The following TBC1D17 variants were observed in gnomAD, a reference collection of about 807,000 sequenced individuals.
TBC1D17 encodes TBC1 domain family, member 17.
A neutral mutation model predicts 78.8 loss-of-function variants in TBC1D17; 69 were observed. That is an observed-to-expected ratio of 0.88 (90% CI 0.72 to 1.07). The LOEUF is 1.07. Ranked by LOEUF, TBC1D17 falls within the 50% of genes least tolerant of loss-of-function variation. The pLI is 0.00. For synonymous variants in TBC1D17, 456 were observed against 358.3 expected, an observed-to-expected ratio of 1.27 and a Z score of -3.08; for missense variants, 957 against 861.0, an observed-to-expected ratio of 1.11 and a Z score of -1.39.
At chr19:49,877,840 G>C in intron 1 of TBC1D17, 96 bp downstream of exon 1, 1 of 1,425,470 alleles carries the variant, frequency 7.0e-7, no homozygotes, top group Non-Finnish European at 9.6e-7. Context: ...CGAGAATCCG[G>C]CACGGCCTTG....
intron 3 of TBC1D17, 41 bp downstream of exon 3, chr19:49,878,613 T>C (rs1410062620): frequency 1.9e-6 from 3 of 1,589,042 alleles, no homozygotes; most frequent in Admixed American, 1.7e-5. Flanking sequence ...TCGCTTTTTT[T>C]CTAGGTCCGT....
At chr19:49,887,437 C>T (rs372677238) in intron 13 of TBC1D17, 39 bp from the exon 14 acceptor site, 3 of 1,593,752 alleles carry the variant, frequency 1.9e-6, no homozygotes, top group Non-Finnish European at 2.6e-6. Flanking sequence ...TCAGTCCCAG[C>T]GCTGGGCAAG....
chr19:49,881,415 T>TCCA lies in TBC1D17; in HGVS notation c.470_472dup (p.His157dup). On this transcript the variant is annotated inframe_insertion, in exon 5 of 17. Coordinates refer to ENST00000221543, the MANE Select transcript of TBC1D17 (RefSeq NM_024682.3). ...GGAGGTTCCCTGCCCGCACTGCACTTCCACCGCGGGGGCACCCGCGCCCTG... is the reference window on the plus strand; with the variant it reads ...GGAGGTTCCCTGCCCGCACTGCACTTCCACCACCGCGGGGGCACCCGCGCCCTG... The TCCA allele has an allele frequency of 6.2e-7, 1 of 1,612,728 alleles. No homozygotes were observed. Among genetic ancestry groups the TCCA allele is most frequent in the Non-Finnish European group, 8.5e-7 (1 of 1,179,968 alleles).
Position 49,878,134 on chromosome 19 carries a change from C to G in TBC1D17, c.22-9C>G, listed in dbSNP as rs755508077. The G allele has an allele frequency of 3.1e-5, 48 of 1,570,400 alleles. No individual in the cohort carries two copies. In the Admixed American group the frequency reaches 5.4e-4, roughly 18 times the overall value. On this transcript the variant is annotated splice_polypyrimidine_tract_variant and intron_variant, in intron 1 of 16. Coordinates refer to ENST00000221543, the MANE Select transcript of TBC1D17 (RefSeq NM_024682.3). ...GGGCCCCAGCCCTCGCTGGTTCCCC[C>G]CAACTCAGGTGGTGTTTGAGAAGGG...
chr19:49,881,954 C>T (rs914546144), intron 5 of TBC1D17, 87 bp from the exon 6 acceptor site: 16 of 1,204,796 alleles, frequency 1.3e-5, no homozygotes, highest in African/African-American at 6.0e-5. Context: ...GACGCTGCAG[C>T]TGGAACCGAT....
At chr19:49,883,127 T>C in intron 9 of TBC1D17, 51 bp downstream of exon 9, 1 of 1,527,640 alleles carries the variant, frequency 6.5e-7, no homozygotes, top group Non-Finnish European at 8.9e-7. Flanking sequence ...TGGTACCTCC[T>C]AGGGCACCAA....
In TBC1D17 at chr19:49,882,170, G is replaced by C. The variant is rs756159014; in HGVS notation, c.639+18G>C. On this transcript the variant is annotated intron_variant, in intron 6 of 16. Coordinates refer to ENST00000221543, the MANE Select transcript of TBC1D17 (RefSeq NM_024682.3). ...TGGTGTCAGTGAGTGTCCCCAGCAG[G>C]AGGCCTGGCGGGTGTGGGCAGGGAG... The C allele has an allele frequency of 1.2e-5, 20 of 1,613,826 alleles. No homozygotes were observed. Among genetic ancestry groups the C allele is most frequent in the South Asian group, 7.7e-5 (7 of 91,088 alleles).
At chr19:49,883,100 C>G in intron 9 of TBC1D17, 24 bp downstream of exon 9, 2 of 1,583,346 alleles carry the variant, frequency 1.3e-6, no homozygotes, top group Non-Finnish European at 1.7e-6. Context: ...AGGCCCTGCC[C>G]TGCCAGGCAT....
In TBC1D17 at chr19:49,883,001, C is replaced by T. The variant is rs1227466327; in HGVS notation, c.956C>T (p.Ala319Val). ...GGLSPSLRRE[A>V]WKFLLGYLSW... is the part of the protein sequence containing the mutation. The stretch of plus-strand genomic sequence containing the variant: ...CTGAGCCCCAGCCTGCGGCGCGAGG[C>T]CTGGAAGTTCCTCCTAGGGTACCTC... The change falls in exon 9 of 17, where the codon GCC (alanine) becomes GTC (valine). Residue 319 changes from alanine (A) to valine (V), a missense_variant. Ala to Val is a moderately conservative substitution (Grantham distance 64). Transcript: ENST00000221543. The T allele has an allele frequency of 3.1e-6, 5 of 1,611,290 alleles. No homozygotes were observed. In the South Asian group the frequency reaches 5.5e-5, roughly 18 times the overall value.
In TBC1D17 at chr19:49,881,441, C is replaced by G. The variant is rs766339254; in HGVS notation, c.493C>G (p.Leu165Val). The G allele has an allele frequency of 9.9e-6, 16 of 1,611,240 alleles. No individual in the cohort carries two copies. In the East Asian group the frequency reaches 3.3e-4, roughly 34 times the overall value. The change falls in exon 5 of 17, where the codon CTC (leucine) becomes GTC (valine). Residue 165 changes from leucine to valine, a missense_variant. Coordinates refer to ENST00000221543, the MANE Select transcript of TBC1D17 (RefSeq NM_024682.3). The part of the protein sequence containing the change: ...HFHRGGTRAL[L>V]RVLSRYLLLA... Reference sequence around the variant, plus strand: ...CCACCGCGGGGGCACCCGCGCCCTGCTCCGCGTCCTCAGCCGCTACCTGCT... The same window carrying G: ...CCACCGCGGGGGCACCCGCGCCCTGGTCCGCGTCCTCAGCCGCTACCTGCT...
chr19:49,877,865 CTT>C, intron 1 of TBC1D17, 121 bp downstream of exon 1: 6 of 1,234,942 alleles, frequency 4.9e-6, no homozygotes, highest in Non-Finnish European at 5.6e-6. Flanking sequence ...ACACCGATCT[CTT>C]ATAAACGCGC....
rs1345157669 is a variant in TBC1D17, at chr19:49,883,732, C to A, written c.1113C>A (p.Tyr371Ter). The change falls in exon 10 of 17, where the codon TAC becomes TAA. Residue 371 changes from tyrosine to a stop codon, truncating the protein, a stop_gained. Transcript: ENST00000221543. LOFTEE classifies it high-confidence loss of function. ...GGAGAAACTCACTTCTGCATGGATACCGCAGCCTCATCGGTCAGTGTCAGG... is the reference window on the plus strand; with the variant it reads ...GGAGAAACTCACTTCTGCATGGATAACGCAGCCTCATCGGTCAGTGTCAGG... ...QERRNSLLHG[Y>*]RSLIERDVSR... 1 of 1,613,626 alleles carries A rather than the reference C, an allele frequency of 6.2e-7. No individual in the cohort carries two copies. Among genetic ancestry groups the A allele is most frequent in the African/African-American group, 1.3e-5 (1 of 74,894 alleles).
At chr19:49,881,560 C>T (rs2075013410) in intron 5 of TBC1D17, 85 bp downstream of exon 5, 3 of 1,279,682 alleles carry the variant, frequency 2.3e-6, no homozygotes, top group Non-Finnish European at 2.2e-6. Context: ...GTGAAAGAAA[C>T]ACAACTCACA....
chr19:49,880,282 T>A lies in TBC1D17; in HGVS notation c.199T>A (p.Ser67Thr), dbSNP rs1275394872. ...STQILFSKKD[S>T]SGGDSCASEE... The stretch of plus-strand genomic sequence containing the variant: ...TCTGCTCCTTTCCTCTCCTAAGGAC[T>A]CCAGTGGGGGTGACTCATGTGCTTC... Residue 67 changes from serine to threonine, a missense_variant, in exon 4 of 17, where the codon TCC becomes ACC. Transcript: ENST00000221543. 6.2e-7 allele frequency: 1 copy of A among 1,613,880 alleles called. No individual in the cohort carries two copies. Among genetic ancestry groups the A allele is most frequent in the African/African-American group, 1.3e-5 (1 of 74,906 alleles).
At position 49,882,788 on chromosome 19, in the gene TBC1D17, GT is replaced by G; in HGVS notation, c.824del (p.Val275GlyfsTer28). On this transcript the variant is annotated frameshift_variant, in exon 8 of 17. Coordinates refer to ENST00000221543, the MANE Select transcript of TBC1D17 (RefSeq NM_024682.3). LOFTEE classifies it high-confidence loss of function. Reference sequence around the variant, plus strand: ...GGTGGAGCTGGGGCCTCGGCCAACCGTGGAGCGGGGCCCTCCAGTTACAGAG... The same window carrying G: ...GGTGGAGCTGGGGCCTCGGCCAACCGGGAGCGGGGCCCTCCAGTTACAGAG... ...SCVELGPRPT[V>X]ERGPPVTEEE... 6.3e-7 allele frequency: 1 copy of G among 1,592,400 alleles called. No homozygotes were observed. Among genetic ancestry groups the G allele is most frequent in the Non-Finnish European group, 8.6e-7 (1 of 1,169,496 alleles).
At chr19:49,883,810 AAGTGCG>A in intron 10 of TBC1D17, 65 bp downstream of exon 10, 1 of 1,414,002 alleles carries the variant, frequency 7.1e-7, no homozygotes, top group Non-Finnish European at 1.0e-6. Flanking sequence ...CCTCAGGCAT[AAGTGCG>A]AGTGGGAGAT....
In TBC1D17 at chr19:49,882,835, G is replaced by A. The variant is rs757759452; in HGVS notation, c.870G>A (p.Val290=). The A allele has an allele frequency of 2.5e-6, 4 of 1,611,306 alleles. No homozygotes were observed. The Admixed American group carries it at 6.7e-5, about 27-fold the overall frequency. Residue 290 remains valine (V), a synonymous_variant, in exon 8 of 17, where the codon GTG becomes GTA. Coordinates refer to ENST00000221543, the MANE Select transcript of TBC1D17 (RefSeq NM_024682.3). The stretch of plus-strand genomic sequence containing the variant: ...CAGAGGAGGAGTGGGCACGCCACGT[G>A]GGCCCTGAAGGTCGCCTGCAGCAGG... ...PVTEEEWARH[V]GPEGRLQQVP... is the part of the protein sequence containing the mutation.
intron 3 of TBC1D17, 95 bp from the exon 4 acceptor site, chr19:49,880,184 T>G: frequency 6.7e-7 from 1 of 1,498,298 alleles, no homozygotes; most frequent in South Asian, 1.3e-5. Context: ...TGCCTCAGTT[T>G]CCCTCTTTAT....
At chr19:49,884,158 C>A (rs2075039032) in intron 10 of TBC1D17, 95 bp from the exon 11 acceptor site, 3 of 1,145,182 alleles carry the variant, frequency 2.6e-6, no homozygotes, top group Admixed American at 3.6e-5. Context: ...CTGGGGGCTG[C>A]CAGCAGGAGG....
Sources: allele counts gnomAD v4.1 joint callset, GRCh38; gene constraint gnomAD v4.1.1; transcripts MANE v1.5; gene names NCBI Gene and HGNC (gene_info 2026-07-23, HGNC 2026-07-21).